The following TRPM3 variants were observed in gnomAD, a reference collection of about 807,000 sequenced individuals.
The protein encoded by TRPM3 is long transient receptor potential channel 3.
TRPM3 carries 77 observed loss-of-function variants against 181.2 expected under a neutral mutation model. The ratio of observed to expected loss-of-function variants is 0.42; its 90% CI spans 0.35 to 0.51. The LOEUF (loss-of-function observed/expected upper bound fraction) is 0.51, where lower values mean the gene tolerates loss of function less well. Among genes scored for constraint, TRPM3 ranks in the 20% least tolerant of loss-of-function variants. TRPM3 has a pLI of 0.01. For missense variants in TRPM3, 1,759 were observed against 2,196.7 expected (o/e 0.80, Z 3.98); for synonymous variants, 745 against 796.4 (o/e 0.94, Z 1.09).
intron 1 of TRPM3, among the ~76,000 whole-genome samples, chr9:71,435,386 T>A (rs901975734): frequency 2.0e-5 from 3 of 152,240 alleles, no homozygotes; most frequent in Non-Finnish European, 4.4e-5. Flanking sequence ...TGAGTCTTTA[T>A]CTTGTAGGGA....
upstream of TRPM3, among the ~76,000 whole-genome samples, chr9:71,125,371 C>T (rs369279611): frequency 5.9e-5 from 9 of 152,046 alleles, no homozygotes; most frequent in East Asian, 1.9e-4. Flanking sequence ...AACAGGCCCC[C>T]GTATGTGTTG....
intron 1 of TRPM3, among the ~76,000 whole-genome samples, chr9:71,275,410 T>A (rs1458663872): frequency 2.6e-5 from 4 of 152,228 alleles, no homozygotes; most frequent in Non-Finnish European, 4.4e-5. Context: ...AGTTAACAGA[T>A]TGGAATAGTC....
intron 1 of TRPM3, among the ~76,000 whole-genome samples, chr9:71,442,101 T>G (rs1395976794): frequency 2.0e-5 from 3 of 152,214 alleles, no homozygotes; most frequent in Non-Finnish European, 4.4e-5. Context: ...GTAGCTTTGG[T>G]AACCAGCTGA....
At chr9:71,252,773 A>C (rs1296206065) in intron 1 of TRPM3, among the ~76,000 whole-genome samples, 1 of 151,352 alleles carries the variant, frequency 6.6e-6, no homozygotes, top group Non-Finnish European at 1.5e-5. Flanking sequence ...CTTGGGCTTA[A>C]GTCAATCTCC....
chr9:71,158,067 T>C (rs1409643469), intron 1 of TRPM3, among the ~76,000 whole-genome samples: 1 of 152,186 alleles, frequency 6.6e-6, no homozygotes, highest in Non-Finnish European at 1.5e-5. Context: ...CAGTAAGACA[T>C]ATTACATGCA....
At chr9:70,933,797 ATC>A (rs2096797980) in intron 1 of TRPM3, among the ~76,000 whole-genome samples, 1 of 152,082 alleles carries the variant, frequency 6.6e-6, no homozygotes, top group African/African-American at 2.4e-5. Context: ...GACAAGTTGA[ATC>A]TAGTATAGAG....
intron 3 of TRPM3, among the ~76,000 whole-genome samples, chr9:70,860,208 C>T (rs929182980): frequency 3.3e-5 from 5 of 152,172 alleles, no homozygotes; most frequent in African/African-American, 1.2e-4. Flanking sequence ...ACTATGCCTG[C>T]TTTATAGATA....
chr9:70,846,269 G>A, intron 4 of TRPM3, 109 bp downstream of exon 4: 1 of 1,004,250 alleles, frequency 1.0e-6, no homozygotes. Context: ...GGACCCATGG[G>A]TAGGGATGAA....
chr9:70,964,168 C>G (rs1463790738), intron 1 of TRPM3, among the ~76,000 whole-genome samples: 1 of 151,956 alleles, frequency 6.6e-6, no homozygotes, highest in Non-Finnish European at 1.5e-5. Context: ...ATTATTTATC[C>G]CAATTATGAT....
intron 9 of TRPM3, among the ~76,000 whole-genome samples, chr9:70,646,756 G>GA (rs1456155114): frequency 1.3e-5 from 2 of 148,518 alleles, no homozygotes; most frequent in South Asian, 2.1e-4. Flanking sequence ...TTGGTTTTTT[G>GA]AAAAAATACA....
At chr9:71,441,952 T>G (rs540891886) in intron 1 of TRPM3, among the ~76,000 whole-genome samples, 4 of 152,098 alleles carry the variant, frequency 2.6e-5, no homozygotes, top group Non-Finnish European at 5.9e-5. Context: ...TTTTAAGACC[T>G]TAAAGAATTC....
At chr9:71,128,709 A>G (rs550810226) in intron 1 of TRPM3, among the ~76,000 whole-genome samples, 2 of 152,230 alleles carry the variant, frequency 1.3e-5, no homozygotes, top group Admixed American at 1.3e-4. Context: ...ACGAATTAAT[A>G]TATTTTAGGA....
intron 1 of TRPM3, among the ~76,000 whole-genome samples, chr9:71,231,892 C>T (rs1331286122): frequency 1.3e-5 from 2 of 152,248 alleles, no homozygotes; most frequent in South Asian, 2.1e-4. Flanking sequence ...TATAATAAAC[C>T]TGAACATGAA....
chr9:70,842,335 A>C (rs1436210445), intron 5 of TRPM3, among the ~76,000 whole-genome samples: 2 of 152,178 alleles, frequency 1.3e-5, no homozygotes, highest in Non-Finnish European at 2.9e-5. Flanking sequence ...TGCAAAGGGC[A>C]GGACAGTGAG....
chr9:71,025,431 T>A (rs908288624), intron 1 of TRPM3, among the ~76,000 whole-genome samples: 2 of 152,166 alleles, frequency 1.3e-5, no homozygotes, highest in Non-Finnish European at 2.9e-5. Flanking sequence ...AACACATGAT[T>A]CATCGGAAAG....
chr9:71,101,992 CT>C (rs2068475475), intron 1 of TRPM3, among the ~76,000 whole-genome samples: 3 of 152,192 alleles, frequency 2.0e-5, no homozygotes, highest in Non-Finnish European at 2.9e-5. Flanking sequence ...CCTCTGTGCT[CT>C]GAACACCAAA....
intron 21 of TRPM3, among the ~76,000 whole-genome samples, chr9:70,592,614 G>T (rs559524831): frequency 1.8e-3 from 281 of 152,170 alleles, no homozygotes; most frequent in African/African-American, 6.5e-3. Flanking sequence ...GAATACAAAA[G>T]ACTTTCTCTT....
chr9:71,442,768 C>A (rs975866618), intron 1 of TRPM3, among the ~76,000 whole-genome samples: 3 of 152,148 alleles, frequency 2.0e-5, no homozygotes, highest in Non-Finnish European at 2.9e-5. Context: ...AAAATACACA[C>A]ATGCTGTGGT....
At chr9:70,813,255 A>C (rs7867238) in intron 6 of TRPM3, among the ~76,000 whole-genome samples, 43,060 of 152,112 alleles carry the variant, frequency 0.28, 7,895 homozygotes, top group African/African-American at 0.52. Context: ...ACATGGAATC[A>C]ACCCGGGTGC....
Sources: allele counts gnomAD v4.1 joint callset (sites outside exome capture counted in the v4.1 genomes callset), GRCh38; gene constraint gnomAD v4.1.1; transcripts MANE v1.5; gene names NCBI Gene and HGNC (gene_info 2026-07-23, HGNC 2026-07-21).